Variants in KALRN observed in about 807,000 individuals in gnomAD.
KALRN encodes kalirin RhoGEF kinase.
Under a neutral mutation model 353.7 loss-of-function variants are expected in KALRN, and 70 were observed. The observed-to-expected ratio is 0.20, with a 90% CI of 0.16 to 0.24. KALRN has a LOEUF of 0.24. Among genes scored for constraint, KALRN ranks in the 10% least tolerant of loss-of-function variants. The probability of loss-of-function intolerance (pLI) is 1.00; values close to 1 mark genes in which losing one functional copy is unlikely to be tolerated. For missense variants in KALRN, 2,791 were observed against 3,756.7 expected (o/e 0.74, Z 6.72); for synonymous variants, 1,391 against 1,434.8 (o/e 0.97, Z 0.69).
intron 34 of KALRN, among the ~76,000 whole-genome samples, chr3:124,627,093 A>G (rs927207525): frequency 1.3e-5 from 2 of 152,236 alleles, no homozygotes; most frequent in Non-Finnish European, 2.9e-5. Flanking sequence ...CATTTTCCAA[A>G]AAAGATGGGA....
chr3:124,170,324 C>G (rs963731085), intron 1 of KALRN, among the ~76,000 whole-genome samples: 26 of 152,174 alleles, frequency 1.7e-4, no homozygotes, highest in Non-Finnish European at 7.3e-5. Context: ...AGGTATAGTA[C>G]TGGTCACTTT....
intron 5 of KALRN, among the ~76,000 whole-genome samples, chr3:124,269,646 A>G (rs139443114): frequency 1.3e-5 from 2 of 152,354 alleles, no homozygotes; most frequent in Non-Finnish European, 2.9e-5. Flanking sequence ...GGCTCAAGCC[A>G]GCTAAGGAAC....
chr3:124,332,898 A>G (rs1011145630), intron 8 of KALRN, among the ~76,000 whole-genome samples: 2 of 152,180 alleles, frequency 1.3e-5, no homozygotes, highest in Non-Finnish European at 2.9e-5. Context: ...GATGATGATG[A>G]TGATGGTTGT....
chr3:124,228,914 C>G (rs1442626236), intron 2 of KALRN, among the ~76,000 whole-genome samples: 2 of 152,158 alleles, frequency 1.3e-5, no homozygotes. Context: ...TGCATCATTT[C>G]CATCTCTACC....
intron 16 of KALRN, 121 bp downstream of exon 16, chr3:124,430,896 A>G (rs112471115): frequency 8.0e-7 from 1 of 1,257,380 alleles, no homozygotes; most frequent in African/African-American, 1.5e-5. Context: ...TTCTAGTAGA[A>G]TGGTCCAGGG....
At chr3:124,109,766 A>G (rs1173259209) in intron 1 of KALRN, among the ~76,000 whole-genome samples, 1 of 109,506 alleles carries the variant, frequency 9.1e-6, no homozygotes, top group Admixed American at 9.4e-5. Flanking sequence ...ATACTTTGAT[A>G]TATATATGAC....
Position 124,154,498 on chromosome 3 carries a change from A to G in KALRN, c.74-73492A>G, listed in dbSNP as rs188448318. Among the ~76,000 whole-genome samples, 384 of 152,326 alleles carry G rather than the reference A, an allele frequency of 2.5e-3. 1 individual carries two copies. The highest frequency in any genetic ancestry group is 8.6e-3 in the African/African-American group (359 of 41,568). ...AAACAGAGAGCCAAATCATGAGTGA[A>G]CTCCCATTCACAATTGCTTCAAAGA... On this transcript the variant is annotated intron_variant, in intron 1 of 59. Coordinates refer to ENST00000682506, the MANE Select transcript of KALRN (RefSeq NM_001388419.1).
intron 25 of KALRN, among the ~76,000 whole-genome samples, chr3:124,464,677 T>G (rs2060156508): frequency 6.6e-6 from 1 of 152,174 alleles, no homozygotes. Flanking sequence ...AATTAAGTTC[T>G]TGTCTTTTCA....
Position 124,359,267 on chromosome 3 carries a change from C to G in KALRN, c.1770+12002C>G, listed in dbSNP as rs115167945. On this transcript the variant is annotated intron_variant, in intron 10 of 59. Coordinates refer to ENST00000682506, the MANE Select transcript of KALRN (RefSeq NM_001388419.1). ...ATGATTGGTGACAGCTGGCTCTGCT[C>G]TTTGCTGAAGCTTGGCCTATTTAAC... is the stretch of plus-strand genomic sequence containing the variant. Among the ~76,000 whole-genome samples, 1,503 of 152,324 alleles carry G rather than the reference C, an allele frequency of 9.9e-3. 24 individuals are homozygous for G. Among genetic ancestry groups the G allele is most frequent in the African/African-American group, 0.034 (1,431 of 41,564 alleles).
intron 34 of KALRN, among the ~76,000 whole-genome samples, chr3:124,565,143 C>T (rs1237107439): frequency 6.6e-6 from 1 of 152,214 alleles, no homozygotes; most frequent in Non-Finnish European, 1.5e-5. Context: ...CAGCAGCAGG[C>T]TGAATTGTTT....
chr3:124,221,201 T>C (rs2077869979), intron 1 of KALRN, among the ~76,000 whole-genome samples: 1 of 152,204 alleles, frequency 6.6e-6, no homozygotes, highest in African/African-American at 2.4e-5. Flanking sequence ...TACAGTTTGT[T>C]TGCCCCTCCC....
intron 25 of KALRN, among the ~76,000 whole-genome samples, chr3:124,468,110 G>A (rs2060519758): frequency 1.3e-5 from 2 of 152,090 alleles, no homozygotes; most frequent in African/African-American, 4.8e-5. Flanking sequence ...GAATGAGCAA[G>A]GTGGTGTTTT....
intron 25 of KALRN, among the ~76,000 whole-genome samples, chr3:124,473,731 A>G (rs1002100251): frequency 6.6e-6 from 1 of 152,202 alleles, no homozygotes; most frequent in Non-Finnish European, 1.5e-5. Flanking sequence ...ATCATTTTAT[A>G]TGTGTAGAAA....
chr3:124,251,620 T>C (rs10934663), intron 3 of KALRN, among the ~76,000 whole-genome samples: 50,698 of 151,846 alleles, frequency 0.33, 9,743 homozygotes, highest in East Asian at 0.67. Context: ...AGTCGCCTGT[T>C]GCAGCCTTCC....
intron 56 of KALRN, among the ~76,000 whole-genome samples, chr3:124,700,871 G>A (rs1465652607): frequency 6.6e-6 from 1 of 152,216 alleles, no homozygotes; most frequent in Non-Finnish European, 1.5e-5. Context: ...ATGCTCTCCA[G>A]TTCCAGTCCC....
At chr3:124,482,286 G>A (rs2062061627) in intron 27 of KALRN, among the ~76,000 whole-genome samples, 1 of 152,160 alleles carries the variant, frequency 6.6e-6, no homozygotes, top group African/African-American at 2.4e-5. Context: ...CCCTAAGTTG[G>A]GATGTGTTAA....
intron 37 of KALRN, among the ~76,000 whole-genome samples, chr3:124,647,055 T>A (rs894141429): frequency 6.6e-6 from 1 of 152,118 alleles, no homozygotes; most frequent in South Asian, 2.1e-4. Context: ...TCTACTTCTT[T>A]ATTTTAATTT....
chr3:124,547,478 ATTTT>A (rs1248348785), intron 33 of KALRN, among the ~76,000 whole-genome samples: 6 of 148,162 alleles, frequency 4.0e-5, no homozygotes, highest in Non-Finnish European at 7.4e-5. Context: ...ATGCCAACTA[ATTTT>A]TTTATTTTTG....
In KALRN at chr3:124,146,703, C is replaced by A. The variant is rs529685628; in HGVS notation, c.74-81287C>A. Among the ~76,000 whole-genome samples the A allele has an allele frequency of 1.3e-3, 200 of 151,926 alleles. 1 individual carries two copies. The highest frequency in any genetic ancestry group is 3.4e-3 in the Admixed American group (52 of 15,264). On this transcript the variant is annotated intron_variant, in intron 1 of 59. Coordinates refer to ENST00000682506, the MANE Select transcript of KALRN (RefSeq NM_001388419.1). ...GACCAGTCTGGTCAACATGGTGAAA[C>A]CCCATCTCTACTAAAAATACAAAAA...
Sources: allele counts gnomAD v4.1 joint callset (sites outside exome capture counted in the v4.1 genomes callset), GRCh38; gene constraint gnomAD v4.1.1; transcripts MANE v1.5; gene names NCBI Gene and HGNC (gene_info 2026-07-23, HGNC 2026-07-21).